The following CHRND variants were observed in gnomAD, a reference collection of about 807,000 sequenced individuals.
CHRND encodes acetylcholine receptor subunit delta.
CHRND carries 40 observed loss-of-function variants against 57.8 expected under a neutral mutation model. That is an observed-to-expected ratio of 0.69 (90% CI 0.54 to 0.90). The LOEUF (loss-of-function observed/expected upper bound fraction) is 0.90, where lower values mean the gene tolerates loss of function less well. CHRND is among the 40% of genes least tolerant of loss of function. The pLI, the probability that CHRND is intolerant of heterozygous loss-of-function variation, is 0.00. For synonymous variants in CHRND, 237 were observed against 270.6 expected, an observed-to-expected ratio of 0.88 and a Z score of 1.22; for missense variants, 634 against 673.9, an observed-to-expected ratio of 0.94 and a Z score of 0.66.
chr2:232,529,931 G>T lies in CHRND; in HGVS notation c.620-8G>T, dbSNP rs377074477. ...CCTGACCCTAAGATGTCCATGTGCC[G>T]CCCTCAGAGAACGGGGAGTGGGAGA... On this transcript the variant is annotated splice_region_variant and splice_polypyrimidine_tract_variant and intron_variant, in intron 6 of 11. Coordinates refer to ENST00000258385, the MANE Select transcript of CHRND (RefSeq NM_000751.3). The T allele has an allele frequency of 6.2e-7, 1 of 1,613,634 alleles. No individual in the cohort carries two copies.
chr2:232,526,902 T>G (rs1467794226), intron 2 of CHRND, among the ~76,000 whole-genome samples: 1 of 152,146 alleles, frequency 6.6e-6, no homozygotes, highest in Admixed American at 6.5e-5. Flanking sequence ...TGTGACACAC[T>G]TCAGAGGCCA....
Position 232,534,271 on chromosome 2 carries a change from G to A in CHRND, c.1300G>A (p.Glu434Lys). The change falls in exon 11 of 12, where the codon GAG becomes AAG. Residue 434 changes from glutamate to lysine, a missense_variant. Transcript: ENST00000258385. Reference protein sequence around the residue: ...SEQAQQELFNELKPAVDGANF... With the variant: ...SEQAQQELFNKLKPAVDGANF... ...GCAGGCCCAGCAGGAACTCTTCAATGAGCTGAAGCCAGCTGTGGATGGGGC... is the reference window on the plus strand; with the variant it reads ...GCAGGCCCAGCAGGAACTCTTCAATAAGCTGAAGCCAGCTGTGGATGGGGC... 1.2e-6 allele frequency: 2 copies of A among 1,614,218 alleles called. No individual in the cohort carries two copies. Among genetic ancestry groups the A allele is most frequent in the Non-Finnish European group, 1.7e-6 (2 of 1,180,030 alleles).
chr2:232,533,746 C>T (rs551669716), intron 9 of CHRND, among the ~76,000 whole-genome samples, 185 bp from the exon 10 acceptor site: 5 of 151,890 alleles, frequency 3.3e-5, no homozygotes, highest in East Asian at 2.0e-4. Context: ...GGCATGGTGG[C>T]GCGTGCCTGT....
chr2:232,528,895 G>T lies in CHRND; in HGVS notation c.543G>T (p.Leu181=), dbSNP rs1459207705. ...AGTATACGGCCAAAGAGATCACCCT[G>T]AGCCTGAAACAGGATGCCAAGGAGA... ...SLKYTAKEIT[L]SLKQDAKENR... is the part of the protein sequence containing the mutation. The change falls in exon 6 of 12, where the codon CTG becomes CTT. Residue 181 remains leucine, a synonymous_variant. Transcript: ENST00000258385. 5.6e-6 allele frequency: 9 copies of T among 1,614,014 alleles called. No individual in the cohort carries two copies. In the African/African-American group the frequency reaches 8.0e-5, roughly 14 times the overall value.
intron 9 of CHRND, among the ~76,000 whole-genome samples, chr2:232,532,582 C>G (rs1352514988): frequency 6.6e-6 from 1 of 152,048 alleles, no homozygotes; most frequent in Non-Finnish European, 1.5e-5. Flanking sequence ...CTCAGCCGTG[C>G]AGAAGCACCT....
At chr2:232,530,373 C>A (rs548299403) in intron 7 of CHRND, among the ~76,000 whole-genome samples, 1 of 152,222 alleles carries the variant, frequency 6.6e-6, no homozygotes, top group African/African-American at 2.4e-5. Flanking sequence ...CTACTTCCCA[C>A]GGACTCTCAG....
rs1226488058 is a variant in CHRND, at chr2:232,530,247, A to G, written c.820+108A>G. 7 of 1,174,414 alleles carry G rather than the reference A, an allele frequency of 6.0e-6. No individual in the cohort carries two copies. In the African/African-American group the frequency reaches 1.1e-4, roughly 18 times the overall value. 72.7% of individuals were successfully genotyped at this position (1,174,414 alleles called of 1,614,324 possible). On this transcript the variant is annotated intron_variant, in intron 7 of 11. Transcript: ENST00000258385. The stretch of plus-strand genomic sequence containing the variant: ...CTCCTGGGAGCCACCTGGGGTCTCC[A>G]TTCCTGGAGCTCCCTGCCTGGATCC...
At chr2:232,533,206 C>T (rs953753050) in intron 9 of CHRND, among the ~76,000 whole-genome samples, 6 of 151,954 alleles carry the variant, frequency 3.9e-5, no homozygotes, top group East Asian at 1.9e-4. Flanking sequence ...TTTTTAGTAG[C>T]GATGGGTTTC....
rs1574638995 is a variant in CHRND at position 232,535,407 on chromosome 2, T to C, written c.*95T>C. On this transcript the variant is annotated 3_prime_UTR_variant, in exon 12 of 12. Transcript: ENST00000258385. ...CTCCTAGCCCTGAGGCTCGTGCCCC[T>C]CAGACTGGGGAAGAGTCCAAGGAAG... 1 of 1,468,934 alleles carries C rather than the reference T, an allele frequency of 6.8e-7. No individual in the cohort carries two copies. The highest frequency in any genetic ancestry group is 9.4e-7 in the Non-Finnish European group (1 of 1,065,934). 91.0% of individuals were successfully genotyped at this position (1,468,934 alleles called of 1,614,324 possible). A position where few individuals can be genotyped will look rare whatever the true frequency, so the allele number is the denominator to read the frequency against.
Position 232,534,264 on chromosome 2 carries a change from C to T in CHRND, c.1293C>T (p.Leu431=). ...GCTCTGAGCAGGCCCAGCAGGAACT[C>T]TTCAATGAGCTGAAGCCAGCTGTGG... ...PASSEQAQQE[L]FNELKPAVDG... The change falls in exon 11 of 12, where the codon CTC becomes CTT. Residue 431 remains leucine, a synonymous_variant. Coordinates refer to ENST00000258385, the MANE Select transcript of CHRND (RefSeq NM_000751.3). 1 of 1,614,214 alleles carries T rather than the reference C, an allele frequency of 6.2e-7. No individual in the cohort carries two copies. Among genetic ancestry groups the T allele is most frequent in the South Asian group, 1.1e-5 (1 of 91,090 alleles).
chr2:232,530,178 A>T, intron 7 of CHRND, 39 bp downstream of exon 7: 1 of 1,593,260 alleles, frequency 6.3e-7, no homozygotes, highest in Non-Finnish European at 8.6e-7. Flanking sequence ...CCCCTCCCCA[A>T]GCCCACCTGA....
Position 232,535,335 on chromosome 2 carries a change from G to T in CHRND, c.*23G>T, listed in dbSNP as rs1691848518. The T allele has an allele frequency of 1.2e-6, 2 of 1,610,334 alleles. No homozygotes were observed. Among genetic ancestry groups the T allele is most frequent in the African/African-American group, 1.3e-5 (1 of 74,906 alleles). On this transcript the variant is annotated 3_prime_UTR_variant, in exon 12 of 12. Transcript: ENST00000258385. Reference sequence around the variant, plus strand: ...TAGGGTGGGCCTGTTGGGGAGCCAGGAGACAGCAGGGTCTGAGAGAGGAGC... The same window carrying T: ...TAGGGTGGGCCTGTTGGGGAGCCAGTAGACAGCAGGGTCTGAGAGAGGAGC...
chr2:232,531,689 C>A, intron 9 of CHRND, 33 bp downstream of exon 9: 1 of 1,562,110 alleles, frequency 6.4e-7, no homozygotes, highest in Non-Finnish European at 8.8e-7. Flanking sequence ...AAGCTCACCA[C>A]TGTAATCCTG....
At position 232,534,143 on chromosome 2, in the gene CHRND, C is replaced by T. The variant is rs1487532886; in HGVS notation, c.1252+8C>T. On this transcript the variant is annotated splice_region_variant and intron_variant, in intron 10 of 11. Coordinates refer to ENST00000258385, the MANE Select transcript of CHRND (RefSeq NM_000751.3). ...GGCGCCTCACCACTGCACGTGGGTC[C>T]CCGCTGGTCTTGGTTTTCAGCCCAT... is the stretch of plus-strand genomic sequence containing the variant. 1.9e-6 allele frequency: 3 copies of T among 1,614,060 alleles called. No individual in the cohort carries two copies. In the South Asian group the frequency reaches 3.3e-5, roughly 18 times the overall value.
intron 11 of CHRND, among the ~76,000 whole-genome samples, 196 bp downstream of exon 11, chr2:232,534,538 G>A (rs1691820050): frequency 6.6e-6 from 1 of 152,086 alleles, no homozygotes; most frequent in Non-Finnish European, 1.5e-5. Flanking sequence ...ACTGGGGCCA[G>A]GCACACACAC....
At chr2:232,530,877 G>A (rs1054696866) in intron 7 of CHRND, among the ~76,000 whole-genome samples, 3 of 152,154 alleles carry the variant, frequency 2.0e-5, no homozygotes, top group African/African-American at 7.2e-5. Flanking sequence ...GGTGGGAAGA[G>A]CAAGACAGCA....
chr2:232,531,243 A>G lies in CHRND; in HGVS notation c.821-109A>G, dbSNP rs1002574618. 13 of 790,354 alleles carry G rather than the reference A, an allele frequency of 1.6e-5. No individual in the cohort carries two copies. In the African/African-American group the frequency reaches 2.2e-4, roughly 13 times the overall value. The allele number at this position is 790,354 out of a possible 1,614,324, so 49.0% of individuals were successfully genotyped here. On this transcript the variant is annotated intron_variant, in intron 7 of 11. Transcript: ENST00000258385. Reference sequence around the variant, plus strand: ...TTTCATCAGGGTATGATGGTACTACAGAGGTGCCAGGGGCCACAGCGGGAC... The same window carrying G: ...TTTCATCAGGGTATGATGGTACTACGGAGGTGCCAGGGGCCACAGCGGGAC...
Position 232,534,026 on chromosome 2 carries a change from G to C in CHRND, c.1143G>C (p.Leu381=), listed in dbSNP as rs1464265235. ...PGALVRRSSS[L]GYISKAEEYF... ...CCCTGGTGCGGAGGAGCAGCTCCCT[G>C]GGATACATCTCCAAGGCCGAGGAGT... Residue 381 remains leucine (L), a synonymous_variant, in exon 10 of 12, where the codon CTG becomes CTC. Transcript: ENST00000258385. 2.5e-6 allele frequency: 4 copies of C among 1,613,968 alleles called. No individual in the cohort carries two copies. In the African/African-American group the frequency reaches 5.3e-5, roughly 22 times the overall value.
rs1469001580 is a variant in CHRND at position 232,536,133 on chromosome 2, A to G, written c.*821A>G. ...CTATCCCAAAGGCAGCCTCCACTCA[A>G]TCTTATCCTGAGGGCCAAAGGCCAA... On this transcript the variant is annotated 3_prime_UTR_variant, in exon 12 of 12. Transcript: ENST00000258385. The G allele has an allele frequency of 2.2e-6, 1 of 453,950 alleles. No individual in the cohort carries two copies. Among genetic ancestry groups the G allele is most frequent in the Non-Finnish European group, 4.4e-6 (1 of 226,796 alleles). The allele number at this position is 453,950 out of a possible 1,614,324, so 28.1% of individuals were successfully genotyped here. A position where few individuals can be genotyped will look rare whatever the true frequency, so the allele number is the denominator to read the frequency against.
Sources: gnomAD v4.1 joint callset for allele counts (sites outside exome capture counted in the v4.1 genomes callset) on GRCh38, gnomAD v4.1.1 for gene constraint, MANE v1.5 for transcripts, NCBI Gene and HGNC (gene_info 2026-07-23, HGNC 2026-07-21) for gene names.